ATE1: variants seen among roughly 807,000 people sequenced by gnomAD.
ATE1 encodes the protein arginyltransferase 1.
Under a neutral mutation model 70.5 loss-of-function variants are expected in ATE1, and 36 were observed. The ratio of observed to expected loss-of-function variants is 0.51; its 90% CI spans 0.39 to 0.67. The LOEUF (loss-of-function observed/expected upper bound fraction) is 0.67. ATE1 is among the 30% of genes least tolerant of loss of function. ATE1 has a pLI of 0.00. For synonymous variants in ATE1, 232 were observed against 219.3 expected, an observed-to-expected ratio of 1.06 and a Z score of -0.51; for missense variants, 593 against 629.5, an observed-to-expected ratio of 0.94 and a Z score of 0.62.
At chr10:121,879,431 T>C (rs2134098979) in intron 7 of ATE1, among the ~76,000 whole-genome samples, 2 of 152,320 alleles carry the variant, frequency 1.3e-5, no homozygotes, top group South Asian at 4.1e-4. Flanking sequence ...TGCATACTTA[T>C]TATTTATCTT....
At chr10:121,878,421 T>C (rs1372708726) in intron 7 of ATE1, among the ~76,000 whole-genome samples, 1 of 151,832 alleles carries the variant, frequency 6.6e-6, no homozygotes, top group East Asian at 1.9e-4. Context: ...GGCAAAATCC[T>C]GTCTCTACTA....
chr10:121,757,242 A>G (rs1007251631), intron 11 of ATE1, among the ~76,000 whole-genome samples: 8 of 152,172 alleles, frequency 5.3e-5, no homozygotes, highest in African/African-American at 1.9e-4. Flanking sequence ...TCCATTTGAG[A>G]CCACCTCAGC....
chr10:121,893,565 T>C (rs891717560), intron 7 of ATE1, among the ~76,000 whole-genome samples: 3 of 152,170 alleles, frequency 2.0e-5, no homozygotes, highest in African/African-American at 2.4e-5. Context: ...ATTTTTAACA[T>C]AGATACATGT....
At chr10:121,749,161 T>C (rs1217777872) in intron 11 of ATE1, among the ~76,000 whole-genome samples, 1 of 152,158 alleles carries the variant, frequency 6.6e-6, no homozygotes, top group Non-Finnish European at 1.5e-5. Flanking sequence ...CCTAACTGCT[T>C]CCCTGGGTTA....
chr10:121,827,598 A>G (rs1388852814), intron 10 of ATE1, among the ~76,000 whole-genome samples: 1 of 152,256 alleles, frequency 6.6e-6, no homozygotes, highest in Non-Finnish European at 1.5e-5. Context: ...ACACTAAAAC[A>G]GTACCAAGTC....
rs1215460253 is a variant in ATE1, at chr10:121,742,335, C to G, written c.*1345G>C. ...TTAGAGGAAAGTTTAAAATTAGCAACAGGATTCAAACTACCATGTTTTATA... is the reference window on the plus strand; with the variant it reads ...TTAGAGGAAAGTTTAAAATTAGCAAGAGGATTCAAACTACCATGTTTTATA... On this transcript the variant is annotated 3_prime_UTR_variant, in exon 12 of 12. Coordinates refer to ENST00000224652, the MANE Select transcript of ATE1 (RefSeq NM_001001976.3). The G allele has an allele frequency of 2.0e-5, 3 of 152,158 alleles. No individual in the cohort carries two copies. Among genetic ancestry groups the G allele is most frequent in the Non-Finnish European group, 4.4e-5 (3 of 68,018 alleles). The allele number at this position is 152,158 out of a possible 1,614,324, so 9.4% of individuals were successfully genotyped here.
chr10:121,808,726 T>G (rs1161515732), intron 10 of ATE1, among the ~76,000 whole-genome samples: 2 of 152,190 alleles, frequency 1.3e-5, no homozygotes, highest in Non-Finnish European at 2.9e-5. Context: ...ACTATGTGTG[T>G]GGGAAAATTC....
At chr10:121,835,513 A>G (rs984764940) in intron 10 of ATE1, among the ~76,000 whole-genome samples, 1 of 151,252 alleles carries the variant, frequency 6.6e-6, no homozygotes, top group African/African-American at 2.4e-5. Context: ...TTATTGATTT[A>G]AAGAGATTTA....
Position 121,928,021 on chromosome 10 carries a change from T to G in ATE1, c.-72A>C. ...CGCGGCCGCCGCCGCCACCCCACAA[T>G]GCAGCGCGCCGCCCGGGAGCCTCCC... On this transcript the variant is annotated 5_prime_UTR_variant, in exon 1 of 12. Coordinates refer to ENST00000224652, the MANE Select transcript of ATE1 (RefSeq NM_001001976.3). 1.6e-6 allele frequency: 2 copies of G among 1,287,626 alleles called. No individual in the cohort carries two copies. Among genetic ancestry groups the G allele is most frequent in the Non-Finnish European group, 9.8e-7 (1 of 1,016,838 alleles). The allele number at this position is 1,287,626 out of a possible 1,614,324, so 79.8% of individuals were successfully genotyped here.
chr10:121,920,855 G>A (rs148922052), intron 3 of ATE1, among the ~76,000 whole-genome samples: 109 of 151,960 alleles, frequency 7.2e-4, no homozygotes, highest in African/African-American at 2.2e-3. Flanking sequence ...TTAGCCGGGC[G>A]TGGTGGCAGG....
In ATE1 at chr10:121,743,642, C is replaced by T. The variant is rs1272454618; in HGVS notation, c.*38G>A. The T allele has an allele frequency of 6.5e-7, 1 of 1,538,960 alleles. No individual in the cohort carries two copies. Among genetic ancestry groups the T allele is most frequent in the East Asian group, 2.3e-5 (1 of 43,590 alleles). On this transcript the variant is annotated 3_prime_UTR_variant, in exon 12 of 12. Transcript: ENST00000224652. ...GAATATGTATCCTGGCACAAATCAT[C>T]AGCACAACACAGGAACTTCCCGGCA...
intron 11 of ATE1, among the ~76,000 whole-genome samples, chr10:121,757,591 A>G (rs1944860473): frequency 6.6e-6 from 1 of 152,238 alleles, no homozygotes; most frequent in South Asian, 2.1e-4. Context: ...GGCAAGGAGG[A>G]GCAAGTCACA....
intron 10 of ATE1, 42 bp from the exon 11 acceptor site, chr10:121,790,331 C>CA: frequency 6.2e-7 from 1 of 1,602,446 alleles, no homozygotes; most frequent in Non-Finnish European, 8.5e-7. Flanking sequence ...ATTATTAACA[C>CA]AGCAATGCCA....
Position 121,783,005 on chromosome 10 carries a change from G to A in ATE1, c.1378+7164C>T, listed in dbSNP as rs904436115. On this transcript the variant is annotated intron_variant, in intron 11 of 11. Transcript: ENST00000224652. ...TGAGTTAATACTTAATAAACTCCCCGTTATATAATCTATTCCATTAGTTTT... is the reference window on the plus strand; with the variant it reads ...TGAGTTAATACTTAATAAACTCCCCATTATATAATCTATTCCATTAGTTTT... Among the ~76,000 whole-genome samples the A allele has an allele frequency of 3.3e-5, 5 of 152,254 alleles. No individual in the cohort carries two copies. The South Asian group carries it at 6.2e-4, about 19-fold the overall frequency.
chr10:121,826,623 C>A (rs1294425365), intron 10 of ATE1, among the ~76,000 whole-genome samples: 11 of 152,128 alleles, frequency 7.2e-5, no homozygotes, highest in Non-Finnish European at 1.6e-4. Context: ...TTTTTTCCAA[C>A]TTTTATTTTA....
intron 8 of ATE1, among the ~76,000 whole-genome samples, chr10:121,858,344 T>C (rs577111558): frequency 1.9e-3 from 285 of 152,086 alleles, no homozygotes; most frequent in Non-Finnish European, 3.3e-3. Flanking sequence ...GTTACCGTTT[T>C]CCATTTTTTT....
upstream of ATE1, chr10:121,928,396 G>C (rs1590755548): frequency 1.2e-5 from 18 of 1,530,178 alleles, no homozygotes; most frequent in African/African-American, 1.4e-5. Context: ...AGTGGTAGCC[G>C]GCCCTGAGGC....
upstream of ATE1, chr10:121,928,197 G>A: frequency 7.6e-7 from 1 of 1,321,678 alleles, no homozygotes; most frequent in Non-Finnish European, 9.7e-7. Flanking sequence ...GTGAGGGTGA[G>A]GCGGAGAGAC....
intron 11 of ATE1, among the ~76,000 whole-genome samples, chr10:121,767,483 T>C (rs577471218): frequency 5.4e-5 from 4 of 74,294 alleles, no homozygotes; most frequent in East Asian, 3.9e-4. Flanking sequence ...ATATTCTATG[T>C]AGAAAATCTC....
Sources: gnomAD v4.1 joint callset for allele counts (sites outside exome capture counted in the v4.1 genomes callset) on GRCh38, gnomAD v4.1.1 for gene constraint, MANE v1.5 for transcripts, NCBI Gene and HGNC (gene_info 2026-07-23, HGNC 2026-07-21) for gene names.